Variants in EEFSEC observed in about 807,000 individuals in gnomAD.
EEFSEC encodes eukaryotic elongation factor, selenocysteine-tRNA specific.
Under a neutral mutation model 42.1 loss-of-function variants are expected in EEFSEC, and 43 were observed. The observed-to-expected ratio is 1.02, with a 90% CI of 0.80 to 1.32. EEFSEC has a LOEUF of 1.32. Ranked by LOEUF, EEFSEC falls within the 40% of genes most tolerant of loss-of-function variation. The pLI is 0.00. For synonymous variants in EEFSEC, 354 were observed against 339.1 expected (o/e 1.04, Z -0.48); for missense variants, 745 against 803.6 (o/e 0.93, Z 0.88).
intron 1 of EEFSEC, among the ~76,000 whole-genome samples, chr3:128,165,540 GA>G (rs1259995805): frequency 2.0e-5 from 3 of 152,280 alleles, no homozygotes; most frequent in East Asian, 1.9e-4. Context: ...CTTGGCAGGA[GA>G]AAAAACAACT....
chr3:128,160,094 C>T (rs2065165842), intron 1 of EEFSEC, among the ~76,000 whole-genome samples: 1 of 152,224 alleles, frequency 6.6e-6, no homozygotes, highest in Admixed American at 6.5e-5. Flanking sequence ...TTTTAGTGAG[C>T]AGAGAACCTT....
rs559811458 is a variant in EEFSEC at position 128,198,735 on chromosome 3, G to A, written c.316+44912G>A. On this transcript the variant is annotated intron_variant, in intron 1 of 6. Coordinates refer to ENST00000254730, the MANE Select transcript of EEFSEC (RefSeq NM_021937.5). Reference sequence around the variant, plus strand: ...CTGTGAAGAGCCACACAATGCAGAGGGAGGGAACCTATCACTTGGATGTGG... The same window carrying A: ...CTGTGAAGAGCCACACAATGCAGAGAGAGGGAACCTATCACTTGGATGTGG... 7.2e-5 allele frequency among the ~76,000 whole-genome samples: 11 copies of A among 152,270 alleles called. No homozygotes were observed. The East Asian group carries it at 2.1e-3, about 29-fold the overall frequency.
At chr3:128,176,425 A>G (rs1440864083) in intron 1 of EEFSEC, among the ~76,000 whole-genome samples, 1 of 152,038 alleles carries the variant, frequency 6.6e-6, no homozygotes, top group Non-Finnish European at 1.5e-5. Flanking sequence ...GAAGACACAC[A>G]CCAGAAGAGA....
chr3:128,305,305 C>T (rs1256969518), intron 4 of EEFSEC, among the ~76,000 whole-genome samples: 1 of 151,984 alleles, frequency 6.6e-6, no homozygotes, highest in Non-Finnish European at 1.5e-5. Flanking sequence ...ATTATTCTTT[C>T]AGTAATATTT....
rs954348261 is a variant in EEFSEC at position 128,296,616 on chromosome 3, C to T, written c.786+31835C>T. Among the ~76,000 whole-genome samples, 14 of 151,236 alleles carry T rather than the reference C, an allele frequency of 9.3e-5. 1 individual carries two copies. Among genetic ancestry groups the T allele is most frequent in the Admixed American group, 8.6e-4 (13 of 15,172 alleles). On this transcript the variant is annotated intron_variant, in intron 4 of 6. Coordinates refer to ENST00000254730, the MANE Select transcript of EEFSEC (RefSeq NM_021937.5). ...CACAGGGGTATATCCATGTGGGCACCTCAGGAGGCAGCTCGAAGGTTACCT... is the reference window on the plus strand; with the variant it reads ...CACAGGGGTATATCCATGTGGGCACTTCAGGAGGCAGCTCGAAGGTTACCT...
chr3:128,188,575 G>A (rs533016198), intron 1 of EEFSEC, among the ~76,000 whole-genome samples: 8 of 152,300 alleles, frequency 5.3e-5, no homozygotes, highest in African/African-American at 1.9e-4. Context: ...CCAGGCCCTG[G>A]AATCAGGTAT....
intron 1 of EEFSEC, among the ~76,000 whole-genome samples, chr3:128,193,749 A>G (rs1432985951): frequency 6.6e-6 from 1 of 152,178 alleles, no homozygotes; most frequent in African/African-American, 2.4e-5. Flanking sequence ...TCCGCAGGCC[A>G]GGATTTGGAC....
intron 4 of EEFSEC, among the ~76,000 whole-genome samples, chr3:128,312,010 CCA>C (rs1417299730): frequency 6.6e-6 from 1 of 152,104 alleles, no homozygotes; most frequent in African/African-American, 2.4e-5. Context: ...CGTGCCTGGC[CCA>C]CAGTCAGTGC....
At chr3:128,348,277 CGT>C (rs772977211) in intron 5 of EEFSEC, among the ~76,000 whole-genome samples, 23 of 77,944 alleles carry the variant, frequency 3.0e-4, no homozygotes, top group Middle Eastern at 6.3e-3. Flanking sequence ...TGTGCGTGTG[CGT>C]GTGTGTGTGT....
intron 1 of EEFSEC, among the ~76,000 whole-genome samples, chr3:128,220,124 G>A (rs1249845517): frequency 6.6e-6 from 1 of 152,184 alleles, no homozygotes; most frequent in East Asian, 1.9e-4. Context: ...TGAGGGAACT[G>A]AAGGACAGAG....
intron 4 of EEFSEC, among the ~76,000 whole-genome samples, chr3:128,319,866 A>T (rs550522475): frequency 2.0e-5 from 3 of 152,228 alleles, no homozygotes; most frequent in Non-Finnish European, 4.4e-5. Flanking sequence ...CTGCCAAGGG[A>T]GTAGCCCCTC....
intron 1 of EEFSEC, among the ~76,000 whole-genome samples, chr3:128,234,424 A>G (rs778001324): frequency 9.2e-5 from 14 of 152,194 alleles, no homozygotes; most frequent in Non-Finnish European, 1.5e-4. Flanking sequence ...AGAATAGTAC[A>G]TAGGACTCCC....
chr3:128,213,625 C>T (rs2065781203), intron 1 of EEFSEC, among the ~76,000 whole-genome samples: 1 of 151,904 alleles, frequency 6.6e-6, no homozygotes, highest in Admixed American at 6.6e-5. Context: ...CTGGGCAGGA[C>T]CCAGCAGGGT....
intron 6 of EEFSEC, among the ~76,000 whole-genome samples, chr3:128,364,481 C>T (rs1456320829): frequency 2.0e-5 from 3 of 152,186 alleles, no homozygotes; most frequent in African/African-American, 7.2e-5. Flanking sequence ...ACCCTGTGGC[C>T]AGTGGTCAGT....
intron 1 of EEFSEC, among the ~76,000 whole-genome samples, chr3:128,211,585 G>T (rs549456314): frequency 3.3e-5 from 5 of 149,712 alleles, no homozygotes; most frequent in Non-Finnish European, 7.4e-5. Context: ...GTGTGATCTC[G>T]GCTCACTGCA....
intron 1 of EEFSEC, among the ~76,000 whole-genome samples, chr3:128,246,155 T>G (rs2066124392): frequency 6.6e-6 from 1 of 152,208 alleles, no homozygotes; most frequent in Admixed American, 6.5e-5. Context: ...ATTCACTTTC[T>G]GTAACTTGTC....
intron 4 of EEFSEC, among the ~76,000 whole-genome samples, chr3:128,272,171 A>G (rs2107947625): frequency 1.3e-5 from 2 of 152,242 alleles, no homozygotes; most frequent in South Asian, 4.1e-4. Context: ...CATAATCCCC[A>G]CAGCTCTGGC....
chr3:128,297,861 A>G (rs1222299800), intron 4 of EEFSEC, among the ~76,000 whole-genome samples: 2 of 152,224 alleles, frequency 1.3e-5, no homozygotes, highest in African/African-American at 2.4e-5. Context: ...AATTTTGCTG[A>G]AATAGTCCAT....
At chr3:128,345,052 G>T (rs1000510366) in intron 5 of EEFSEC, among the ~76,000 whole-genome samples, 1 of 152,172 alleles carries the variant, frequency 6.6e-6, no homozygotes, top group African/African-American at 2.4e-5. Context: ...GGTCCAATGT[G>T]CAAGCCTGGG....
Sources: allele counts gnomAD v4.1 joint callset (sites outside exome capture counted in the v4.1 genomes callset), GRCh38; gene constraint gnomAD v4.1.1; transcripts MANE v1.5; gene names NCBI Gene and HGNC (gene_info 2026-07-23, HGNC 2026-07-21).